ACTA2: variants seen among roughly 807,000 people sequenced by gnomAD.
ACTA2 encodes actin, aortic smooth muscle.
In ACTA2, 12 loss-of-function variants were observed where a neutral mutation model predicts 39.5. That is an observed-to-expected ratio of 0.30 (90% confidence interval 0.19 to 0.49). The LOEUF is 0.49. Among genes scored for constraint, ACTA2 ranks in the 20% least tolerant of loss-of-function variants. ACTA2 has a pLI of 0.99. For missense variants in ACTA2, 236 were observed against 498.8 expected (o/e 0.47, Z 5.02); for synonymous variants, 158 against 180.6 (o/e 0.88, Z 1.00).
At chr10:88,948,662 TG>T in intron 2 of ACTA2, 139 bp downstream of exon 2, 2 of 1,175,392 alleles carry the variant, frequency 1.7e-6, no homozygotes, top group Non-Finnish European at 1.2e-6. Flanking sequence ...CATTTACTCC[TG>T]GACCTTAATC....
At chr10:88,971,487 T>G (rs1295946755) in intron 1 of ACTA2, among the ~76,000 whole-genome samples, 1 of 152,242 alleles carries the variant, frequency 6.6e-6, no homozygotes, top group Non-Finnish European at 1.5e-5. Flanking sequence ...AAGCTAAGAA[T>G]GAGTGGCAGA....
chr10:88,966,164 T>C (rs1367228653), intron 1 of ACTA2, among the ~76,000 whole-genome samples: 2 of 152,132 alleles, frequency 1.3e-5, no homozygotes, highest in Admixed American at 6.5e-5. Context: ...ACAGAAGCAC[T>C]TGGACAGAGG....
intron 3 of ACTA2, 139 bp downstream of exon 3, chr10:88,947,119 C>G: frequency 7.8e-7 from 1 of 1,284,298 alleles, no homozygotes; most frequent in Middle Eastern, 2.7e-4. Flanking sequence ...GGGTAATAAC[C>G]CAGAATGAAC....
chr10:88,970,648 T>A (rs144030131), intron 1 of ACTA2, among the ~76,000 whole-genome samples: 3 of 152,126 alleles, frequency 2.0e-5, no homozygotes, highest in Non-Finnish European at 4.4e-5. Flanking sequence ...TTGCTGAGAA[T>A]GATGGTTGGG....
chr10:88,979,932 A>T (rs1024226225), intron 1 of ACTA2, among the ~76,000 whole-genome samples: 3 of 152,184 alleles, frequency 2.0e-5, no homozygotes, highest in Admixed American at 1.3e-4. Flanking sequence ...TAGAAGATAT[A>T]GTTCTTACGT....
chr10:88,947,484 C>T, intron 2 of ACTA2, 98 bp from the exon 3 acceptor site: 5 of 1,539,406 alleles, frequency 3.2e-6, no homozygotes, highest in Non-Finnish European at 4.5e-6. Flanking sequence ...ATGGGAAGTT[C>T]CTCTTCTGAT....
chr10:88,984,780 G>A (rs1444035751), intron 1 of ACTA2, among the ~76,000 whole-genome samples: 1 of 152,126 alleles, frequency 6.6e-6, no homozygotes, highest in Non-Finnish European at 1.5e-5. Context: ...GAGAAAGAGA[G>A]AGAGACATCT....
chr10:88,990,760 C>A lies in ACTA2; in HGVS notation c.-24+179G>T. Reference sequence around the variant, plus strand: ...CAGGGGCGGGCACTGGCACGGAACACACCCTGAGGCCAGCCCTGGCTGCCC... The same window carrying A: ...CAGGGGCGGGCACTGGCACGGAACAAACCCTGAGGCCAGCCCTGGCTGCCC... On this transcript the variant is annotated intron_variant, in intron 1 of 4. Transcript: ENST00000415557. This position sits in a 1 kb window ranked among gnomAD's most constrained non-coding sequence, Gnocchi z 4.9. The A allele has an allele frequency of 1.5e-6, 2 of 1,333,496 alleles. No homozygotes were observed. The highest frequency in any genetic ancestry group is 2.1e-6 in the Non-Finnish European group (2 of 933,556). 82.6% of individuals were successfully genotyped at this position (1,333,496 alleles called of 1,614,324 possible). A position where few individuals can be genotyped will look rare whatever the true frequency, so the allele number is the denominator to read the frequency against.
At position 88,990,951 on chromosome 10, in the gene ACTA2, C is replaced by T. The variant is rs1847144532; in HGVS notation, c.-36G>A. The T allele has an allele frequency of 6.2e-7, 1 of 1,613,826 alleles. No individual in the cohort carries two copies. The highest frequency in any genetic ancestry group is 1.1e-5 in the South Asian group (1 of 91,078). On this transcript the variant is annotated 5_prime_UTR_variant, in exon 1 of 5. Coordinates refer to the ACTA2 transcript ENST00000415557. The surrounding 1 kb of genome is among the most constrained non-coding windows in gnomAD (Gnocchi z 4.9). ...GGTGGAGGCTTACCCCGTCTTAGTC[C>T]CGGGGATAGGCAAAGTGGGGCGGGC...
intron 1 of ACTA2, among the ~76,000 whole-genome samples, chr10:88,963,918 C>A (rs925635263): frequency 1.3e-5 from 2 of 152,134 alleles, no homozygotes; most frequent in Non-Finnish European, 2.9e-5. Context: ...TTCTAATCCT[C>A]TTTTAGCTAG....
At chr10:88,939,327 A>G (rs1347413481) in intron 7 of ACTA2, 180 bp downstream of exon 7, 3 of 737,340 alleles carry the variant, frequency 4.1e-6, no homozygotes, top group Non-Finnish European at 6.9e-6. Context: ...TAGGAAGAAA[A>G]CCTTTTTCCT....
chr10:88,949,755 A>G (rs1245383920), intron 1 of ACTA2, among the ~76,000 whole-genome samples: 3 of 152,210 alleles, frequency 2.0e-5, no homozygotes, highest in Non-Finnish European at 4.4e-5. Context: ...AAAAAGTAAC[A>G]TTGTAAATCT....
chr10:88,948,613 G>A, intron 2 of ACTA2, 189 bp downstream of exon 2: 3 of 696,646 alleles, frequency 4.3e-6, no homozygotes, highest in Non-Finnish European at 7.4e-6. Context: ...TCTGATAGAT[G>A]CCCATCAGAT....
In ACTA2 at chr10:88,965,841, A is replaced by G. The variant is rs79789848; in HGVS notation, c.-23-16888T>C. 8.1e-3 allele frequency among the ~76,000 whole-genome samples: 1,239 copies of G among 152,226 alleles called. 39 individuals carry two copies. In the East Asian group the frequency reaches 0.13, roughly 15 times the overall value. ...CTGATTTGCTTTTAACTAATTATTG[A>G]TCACCGTAATGACTAACTTTTGAGA... On this transcript the variant is annotated intron_variant, in intron 1 of 4. Transcript: ENST00000415557.
intron 1 of ACTA2, chr10:88,974,764 T>A (rs1468572796): frequency 6.6e-6 from 1 of 152,210 alleles, no homozygotes; most frequent in East Asian, 1.9e-4. Flanking sequence ...TCACTCTAAT[T>A]AGGAAGCATT....
chr10:88,989,352 T>C, intron 1 of ACTA2: 1 of 320,568 alleles, frequency 3.1e-6, no homozygotes, highest in Non-Finnish European at 6.3e-6. Flanking sequence ...TACATTTTTT[T>C]ATTTAAATGA....
upstream of ACTA2, among the ~76,000 whole-genome samples, chr10:88,953,475 T>A (rs1176551535): frequency 6.6e-6 from 1 of 152,174 alleles, no homozygotes; most frequent in Non-Finnish European, 1.5e-5. Context: ...TTTAGCAGCA[T>A]AAGTAGGGAC....
intron 8 of ACTA2, among the ~76,000 whole-genome samples, chr10:88,937,512 G>A (rs1250082345): frequency 1.3e-5 from 2 of 152,144 alleles, no homozygotes; most frequent in African/African-American, 2.4e-5. Context: ...GGTGGCTCAG[G>A]GACTGAGCTT....
At chr10:88,980,858 T>A (rs1482947157) in intron 1 of ACTA2, among the ~76,000 whole-genome samples, 1 of 152,200 alleles carries the variant, frequency 6.6e-6, no homozygotes, top group African/African-American at 2.4e-5. Flanking sequence ...GAGAGATAAT[T>A]TTCCCAGACT....
Sources: gnomAD v4.1 joint callset for allele counts (sites outside exome capture counted in the v4.1 genomes callset) on GRCh38, gnomAD v4.1.1 for gene constraint, Gnocchi (gnomAD v3.1) non-coding constraint, MANE v1.5 for transcripts, NCBI Gene and HGNC (gene_info 2026-07-23, HGNC 2026-07-21) for gene names.